Variants in GRIN2B observed in about 807,000 individuals in gnomAD.
GRIN2B encodes glutamate receptor ionotropic, NMDA 2B.
GRIN2B carries 5 observed loss-of-function variants against 114.5 expected under a neutral mutation model. The observed-to-expected ratio is 0.04, with a 90% CI of 0.02 to 0.09. The LOEUF (loss-of-function observed/expected upper bound fraction) is 0.09. GRIN2B is among the 10% of genes least tolerant of loss of function. The pLI, the probability that GRIN2B is intolerant of heterozygous loss-of-function variation, is 1.00. For missense variants in GRIN2B, 1,108 were observed against 1,943.5 expected, an observed-to-expected ratio of 0.57 and a Z score of 8.08; for synonymous variants, 787 against 745.1, an observed-to-expected ratio of 1.06 and a Z score of -0.92.
At position 13,563,198 on chromosome 12, in the gene GRIN2B, C is replaced by T. The variant is rs772733555; in HGVS notation, c.4040G>A (p.Ser1347Asn). Residue 1347 changes from serine to asparagine, a missense_variant, in exon 14 of 14, where the codon AGC becomes AAC. Transcript: ENST00000609686. ...TGAGGACTTGTTGTTGGCAAAGGTG[C>T]TCTCGCCAGCTGACATCTCAAACAT... is the stretch of plus-strand genomic sequence containing the variant. ...AHMFEMSAGE[S>N]TFANNKSSVP... 1.2e-6 allele frequency: 2 copies of T among 1,614,238 alleles called. No homozygotes were observed. Among genetic ancestry groups the T allele is most frequent in the Non-Finnish European group, 8.5e-7 (1 of 1,180,046 alleles).
intron 9 of GRIN2B, among the ~76,000 whole-genome samples, chr12:13,609,100 C>T (rs745508010): frequency 1.3e-5 from 2 of 152,156 alleles, no homozygotes; most frequent in African/African-American, 4.8e-5. Flanking sequence ...CATGACTCCC[C>T]TCTGGAGGAG....
chr12:13,814,088 T>C (rs1279115749), intron 3 of GRIN2B, among the ~76,000 whole-genome samples: 1 of 152,170 alleles, frequency 6.6e-6, no homozygotes, highest in Non-Finnish European at 1.5e-5. Flanking sequence ...AGACAAAAAG[T>C]CATCAGGAAG....
rs145043289 is a variant in GRIN2B at position 13,706,046 on chromosome 12, G to C, written c.1011-30187C>G. On this transcript the variant is annotated intron_variant, in intron 4 of 13. Coordinates refer to ENST00000609686, the MANE Select transcript of GRIN2B (RefSeq NM_000834.5). ...AATTAGTAGAATAAAGTCCTTGAGA[G>C]AGACTGTCATCCTCATCTCTGGAGT... is the stretch of plus-strand genomic sequence containing the variant. Among the ~76,000 whole-genome samples, 9 of 152,272 alleles carry C rather than the reference G, an allele frequency of 5.9e-5. No individual in the cohort carries two copies. In the East Asian group the frequency reaches 1.7e-3, roughly 29 times the overall value.
At chr12:13,756,372 G>A (rs1453322136) in intron 3 of GRIN2B, among the ~76,000 whole-genome samples, 1 of 152,178 alleles carries the variant, frequency 6.6e-6, no homozygotes, top group African/African-American at 2.4e-5. Flanking sequence ...ACTGAGACAA[G>A]TGGGAATCTG....
At chr12:13,689,756 C>T (rs113732409) in intron 4 of GRIN2B, among the ~76,000 whole-genome samples, 51 of 152,184 alleles carry the variant, frequency 3.4e-4, no homozygotes, top group African/African-American at 9.4e-4. Flanking sequence ...TCCCTTCTAC[C>T]TGTTTGGAAT....
intron 3 of GRIN2B, among the ~76,000 whole-genome samples, chr12:13,818,870 G>A (rs1025715139): frequency 6.6e-6 from 1 of 152,144 alleles, no homozygotes; most frequent in African/African-American, 2.4e-5. Context: ...CATACTAAAA[G>A]CTGTTTAGCA....
intron 2 of GRIN2B, among the ~76,000 whole-genome samples, chr12:13,940,817 C>T (rs950591173): frequency 6.6e-6 from 1 of 152,122 alleles, no homozygotes; most frequent in Non-Finnish European, 1.5e-5. Flanking sequence ...TGTTCCATCT[C>T]TGTATTATCT....
At chr12:13,641,732 G>C (rs1565486131) in intron 5 of GRIN2B, among the ~76,000 whole-genome samples, 1 of 152,160 alleles carries the variant, frequency 6.6e-6, no homozygotes, top group East Asian at 1.9e-4. Context: ...TTACTCATTA[G>C]AGGAAATGTA....
At chr12:13,854,080 T>C (rs947142408) in intron 3 of GRIN2B, among the ~76,000 whole-genome samples, 1 of 152,138 alleles carries the variant, frequency 6.6e-6, no homozygotes, top group African/African-American at 2.4e-5. Context: ...TTTGAACTGA[T>C]GGTAGAGAAG....
intron 2 of GRIN2B, among the ~76,000 whole-genome samples, chr12:13,935,162 A>G (rs1314373682): frequency 2.0e-5 from 3 of 152,240 alleles, no homozygotes; most frequent in Non-Finnish European, 2.9e-5. Flanking sequence ...TTAAAGAGCC[A>G]TAGCTAAGTA....
rs553053559 is a variant in GRIN2B at position 13,755,472 on chromosome 12, A to G, written c.412-1557T>C. On this transcript the variant is annotated intron_variant, in intron 3 of 13. Transcript: ENST00000609686. ...GAGTAATTTTTCCTGGTAAGGGTGAAATGGTGCTCACCAGCACTCTCTTCT... is the reference window on the plus strand; with the variant it reads ...GAGTAATTTTTCCTGGTAAGGGTGAGATGGTGCTCACCAGCACTCTCTTCT... 1.6e-4 allele frequency among the ~76,000 whole-genome samples: 24 copies of G among 152,326 alleles called. No individual in the cohort carries two copies. The South Asian group carries it at 5.0e-3, about 32-fold the overall frequency.
At chr12:13,609,294 G>A (rs1949329411) in intron 9 of GRIN2B, among the ~76,000 whole-genome samples, 1 of 152,188 alleles carries the variant, frequency 6.6e-6, no homozygotes, top group African/African-American at 2.4e-5. Context: ...GGGTAAGATT[G>A]TTTTCTGCCA....
chr12:13,940,390 GT>G (rs1174014465), intron 2 of GRIN2B, among the ~76,000 whole-genome samples: 4 of 151,976 alleles, frequency 2.6e-5, no homozygotes, highest in Admixed American at 1.3e-4. Context: ...TTCCCCAGCG[GT>G]TTTTATTTCT....
At chr12:13,583,708 C>G (rs1020579923) in intron 10 of GRIN2B, among the ~76,000 whole-genome samples, 6 of 152,040 alleles carry the variant, frequency 3.9e-5, no homozygotes, top group African/African-American at 1.2e-4. Flanking sequence ...TTTATCCAGG[C>G]AAAGAGGTCT....
At chr12:13,625,398 A>G (rs1037624408) in intron 5 of GRIN2B, among the ~76,000 whole-genome samples, 1 of 152,172 alleles carries the variant, frequency 6.6e-6, no homozygotes, top group African/African-American at 2.4e-5. Context: ...GAAGTTCACA[A>G]TGGGGGCCAG....
At chr12:13,887,472 G>A (rs1866183650) in intron 2 of GRIN2B, among the ~76,000 whole-genome samples, 1 of 151,966 alleles carries the variant, frequency 6.6e-6, no homozygotes, top group Non-Finnish European at 1.5e-5. Context: ...TAATACGTAG[G>A]CATGGGATTA....
chr12:13,594,215 A>T (rs1949043996), intron 10 of GRIN2B, among the ~76,000 whole-genome samples: 1 of 152,236 alleles, frequency 6.6e-6, no homozygotes, highest in South Asian at 2.1e-4. Flanking sequence ...CTATAAAGAC[A>T]CATGCACACC....
At chr12:13,587,499 T>G (rs1379236461) in intron 10 of GRIN2B, among the ~76,000 whole-genome samples, 1 of 151,844 alleles carries the variant, frequency 6.6e-6, no homozygotes, top group East Asian at 1.9e-4. Context: ...GGACTACAGG[T>G]GCTTTCCACC....
chr12:13,818,329 CCA>C (rs1864869103), intron 3 of GRIN2B, among the ~76,000 whole-genome samples: 1 of 152,204 alleles, frequency 6.6e-6, no homozygotes, highest in Non-Finnish European at 1.5e-5. Flanking sequence ...AAGTCAGAGC[CCA>C]CACATGCCAC....
Sources: allele counts gnomAD v4.1 joint callset (sites outside exome capture counted in the v4.1 genomes callset), GRCh38; gene constraint gnomAD v4.1.1; transcripts MANE v1.5; gene names NCBI Gene and HGNC (gene_info 2026-07-23, HGNC 2026-07-21).